Variants in CHN2 observed in about 807,000 individuals in gnomAD.
CHN2 encodes beta-chimaerin.
Under a neutral mutation model 56.3 loss-of-function variants are expected in CHN2, and 35 were observed. The observed-to-expected ratio is 0.62, with a 90% CI of 0.47 to 0.82. The LOEUF is 0.82. Among genes scored for constraint, CHN2 ranks in the 40% least tolerant of loss-of-function variants. The probability of loss-of-function intolerance (pLI) is 0.00; values close to 1 mark genes in which losing one functional copy is unlikely to be tolerated. For missense variants in CHN2, 491 were observed against 580.5 expected, an observed-to-expected ratio of 0.85 and a Z score of 1.58; for synonymous variants, 210 against 212.8, an observed-to-expected ratio of 0.99 and a Z score of 0.12.
upstream of CHN2, chr7:29,194,759 C>T (rs1783412497): frequency 8.7e-6 from 4 of 460,172 alleles, no homozygotes; most frequent in South Asian, 5.9e-5. Flanking sequence ...ATAGCGGCGG[C>T]GGCAGCGCGT....
chr7:29,397,448 G>A (rs890431328), intron 4 of CHN2: 4 of 152,180 alleles, frequency 2.6e-5, no homozygotes, highest in African/African-American at 9.7e-5. Context: ...CTCCAAGGTT[G>A]GATAATCCTA....
At chr7:29,169,483 G>A (rs1185579381) in intron 2 of CHN2, among the ~76,000 whole-genome samples, 2 of 151,976 alleles carry the variant, frequency 1.3e-5, no homozygotes, top group South Asian at 2.1e-4. Flanking sequence ...ATAATGTTAT[G>A]TTAAAAATAA....
At chr7:29,344,651 T>A (rs368791314) in intron 1 of CHN2, among the ~76,000 whole-genome samples, 2 of 152,176 alleles carry the variant, frequency 1.3e-5, no homozygotes, top group South Asian at 4.1e-4. Context: ...GGCAATAGCC[T>A]ATCTGCTTGA....
intron 1 of CHN2, among the ~76,000 whole-genome samples, chr7:29,218,737 G>A (rs1340963650): frequency 1.3e-5 from 2 of 149,458 alleles, no homozygotes; most frequent in Non-Finnish European, 3.0e-5. Flanking sequence ...CTCACTCATA[G>A]GTGGGAATTG....
At chr7:29,468,949 T>G (rs902398117) in intron 6 of CHN2, among the ~76,000 whole-genome samples, 5 of 152,148 alleles carry the variant, frequency 3.3e-5, no homozygotes, top group Non-Finnish European at 5.9e-5. Context: ...ATAAGTAGAT[T>G]TCTGGCATCT....
intron 6 of CHN2, among the ~76,000 whole-genome samples, chr7:29,427,656 C>CTTTTTT (rs754677450): frequency 8.3e-6 from 1 of 120,394 alleles, no homozygotes; most frequent in Non-Finnish European, 1.7e-5. Context: ...ATTTTTTATT[C>CTTTTTT]TTTTTTTTTT....
intron 6 of CHN2, among the ~76,000 whole-genome samples, chr7:29,430,605 C>T (rs1585367026): frequency 6.6e-6 from 1 of 152,046 alleles, no homozygotes; most frequent in Non-Finnish European, 1.5e-5. Context: ...AGCTCAGCTA[C>T]GAGAGTAGTT....
intron 1 of CHN2, among the ~76,000 whole-genome samples, chr7:29,217,829 A>G (rs1316556377): frequency 6.6e-6 from 1 of 152,160 alleles, no homozygotes; most frequent in South Asian, 2.1e-4. Context: ...TTGGAAGGCA[A>G]TAGTTTAATC....
chr7:29,341,323 A>G (rs1797040553), intron 1 of CHN2, among the ~76,000 whole-genome samples: 1 of 152,210 alleles, frequency 6.6e-6, no homozygotes, highest in Non-Finnish European at 1.5e-5. Context: ...AGCATGGGCC[A>G]GAGTGACTGG....
intron 7 of CHN2, among the ~76,000 whole-genome samples, chr7:29,493,400 G>C: frequency 6.6e-6 from 1 of 152,194 alleles, no homozygotes. Context: ...CATACTTTTT[G>C]TTCATTCACA....
chr7:29,310,173 A>C (rs1024403429), intron 1 of CHN2, among the ~76,000 whole-genome samples: 1 of 152,256 alleles, frequency 6.6e-6, no homozygotes, highest in African/African-American at 2.4e-5. Flanking sequence ...ATGTGGACAA[A>C]GATGTATCAA....
rs538016575 is a variant in CHN2 at position 29,195,088 on chromosome 7, C to T, written c.49+98C>T. On this transcript the variant is annotated intron_variant, in intron 1 of 12. Coordinates refer to ENST00000222792, the MANE Select transcript of CHN2 (RefSeq NM_004067.4). The stretch of plus-strand genomic sequence containing the variant: ...TGGACAGAGCCTACCTGTGGCCATC[C>T]CGCCCGCTCTCTCGGAATGGGGGCA... The T allele has an allele frequency of 6.8e-6, 9 of 1,324,490 alleles. No homozygotes were observed. In the African/African-American group the frequency reaches 1.2e-4, roughly 18 times the overall value. The allele number at this position is 1,324,490 out of a possible 1,614,324, so 82.0% of individuals were successfully genotyped here. A position where few individuals can be genotyped will look rare whatever the true frequency, so the allele number is the denominator to read the frequency against.
chr7:29,438,962 T>G (rs1417071191), intron 6 of CHN2, among the ~76,000 whole-genome samples: 1 of 152,262 alleles, frequency 6.6e-6, no homozygotes, highest in African/African-American at 2.4e-5. Context: ...TTAGTTTCAC[T>G]GATTCACTGA....
chr7:29,367,851 A>T, intron 2 of CHN2, 81 bp from the exon 3 acceptor site: 1 of 1,181,774 alleles, frequency 8.5e-7, no homozygotes, highest in South Asian at 1.7e-5. Flanking sequence ...ACTTAGGTGG[A>T]AATATTTGAA....
chr7:29,401,773 C>T (rs1416415531), intron 6 of CHN2, among the ~76,000 whole-genome samples: 3 of 152,132 alleles, frequency 2.0e-5, no homozygotes, highest in Non-Finnish European at 4.4e-5. Flanking sequence ...TGGCAGGAGG[C>T]GGCCAGGGAG....
At chr7:29,346,658 T>A (rs1797462641) in intron 1 of CHN2, among the ~76,000 whole-genome samples, 1 of 152,220 alleles carries the variant, frequency 6.6e-6, no homozygotes, top group Non-Finnish European at 1.5e-5. Context: ...ACTTCCTTGA[T>A]AGCTCATTCT....
At chr7:29,499,082 A>G (rs1479358294) in intron 8 of CHN2, among the ~76,000 whole-genome samples, 1 of 152,114 alleles carries the variant, frequency 6.6e-6, no homozygotes, top group Non-Finnish European at 1.5e-5. Flanking sequence ...TTATCATCAG[A>G]GAAATTCCGT....
chr7:29,247,722 C>T (rs1381601434), intron 1 of CHN2, among the ~76,000 whole-genome samples: 1 of 152,252 alleles, frequency 6.6e-6, no homozygotes, highest in African/African-American at 2.4e-5. Flanking sequence ...TTGGTGGTAT[C>T]ACCGCCTGAT....
At chr7:29,498,328 G>A (rs1437308798) in intron 8 of CHN2, among the ~76,000 whole-genome samples, 1 of 152,200 alleles carries the variant, frequency 6.6e-6, no homozygotes, top group African/African-American at 2.4e-5. Context: ...AGGAAACCCA[G>A]CCAACTCTAT....
Sources: allele counts gnomAD v4.1 joint callset (sites outside exome capture counted in the v4.1 genomes callset), GRCh38; gene constraint gnomAD v4.1.1; transcripts MANE v1.5; gene names NCBI Gene and HGNC (gene_info 2026-07-23, HGNC 2026-07-21).